RBFOX1: variants seen among roughly 807,000 people sequenced by gnomAD.
RBFOX1 encodes the protein RNA binding protein fox-1 homolog 1.
A neutral mutation model predicts 57.7 loss-of-function variants in RBFOX1; 8 were observed. The ratio of observed to expected loss-of-function variants is 0.14; its 90% CI spans 0.08 to 0.25. RBFOX1 has a LOEUF of 0.25. Ranked by LOEUF, RBFOX1 falls within the 10% of genes least tolerant of loss-of-function variation. The pLI, the probability that RBFOX1 is intolerant of heterozygous loss-of-function variation, is 1.00. For missense variants in RBFOX1, 611 were observed against 548.5 expected, an observed-to-expected ratio of 1.11 and a Z score of -1.14; for synonymous variants, 326 against 222.4, an observed-to-expected ratio of 1.47 and a Z score of -4.15.
chr16:6,685,620 A>G (rs930501178), intron 3 of RBFOX1, among the ~76,000 whole-genome samples: 7 of 152,020 alleles, frequency 4.6e-5, no homozygotes, highest in African/African-American at 1.4e-4. Flanking sequence ...ACTTAAACCA[A>G]GTCCAGACAT....
At chr16:7,166,708 G>A (rs567177273) in intron 4 of RBFOX1, among the ~76,000 whole-genome samples, 18 of 152,068 alleles carry the variant, frequency 1.2e-4, no homozygotes, top group Non-Finnish European at 2.6e-4. Context: ...GATGCACTAG[G>A]ATGACTCTAA....
chr16:6,524,982 A>G (rs1395534615), intron 2 of RBFOX1, among the ~76,000 whole-genome samples: 1 of 152,172 alleles, frequency 6.6e-6, no homozygotes, highest in Non-Finnish European at 1.5e-5. Flanking sequence ...ACTTCTGAGT[A>G]TCTGGGTAAA....
chr16:5,848,075 C>G (rs2056801957), intron 3 of RBFOX1, among the ~76,000 whole-genome samples: 1 of 152,184 alleles, frequency 6.6e-6, no homozygotes, highest in South Asian at 2.1e-4. Context: ...GTGTCCGGAG[C>G]TCTGGCCAAC....
intron 4 of RBFOX1, among the ~76,000 whole-genome samples, chr16:5,919,567 C>G (rs895702278): frequency 1.3e-5 from 2 of 152,146 alleles, no homozygotes; most frequent in African/African-American, 4.8e-5. Flanking sequence ...GGGTCCCAAA[C>G]TCCCGACCCG....
chr16:6,143,594 C>G (rs1297614694), intron 1 of RBFOX1, among the ~76,000 whole-genome samples: 2 of 152,116 alleles, frequency 1.3e-5, no homozygotes, highest in Non-Finnish European at 2.9e-5. Flanking sequence ...TGATTCTGTT[C>G]TCTCTTGGAG....
At chr16:5,932,867 A>G (rs541252239) in intron 4 of RBFOX1, among the ~76,000 whole-genome samples, 3 of 152,118 alleles carry the variant, frequency 2.0e-5, no homozygotes, top group South Asian at 4.2e-4. Flanking sequence ...CTGCTCCCAT[A>G]TGGTTGTGGC....
At chr16:7,004,549 C>T (rs934469157) in intron 3 of RBFOX1, among the ~76,000 whole-genome samples, 3 of 152,172 alleles carry the variant, frequency 2.0e-5, no homozygotes, top group Admixed American at 6.5e-5. Flanking sequence ...GTCATGGACA[C>T]GTCCTAGCTA....
At chr16:7,644,699 A>G (rs1009568701) in intron 11 of RBFOX1, among the ~76,000 whole-genome samples, 3 of 152,236 alleles carry the variant, frequency 2.0e-5, no homozygotes, top group Admixed American at 2.0e-4. Flanking sequence ...ACCAACATAG[A>G]GTCCTCAGGA....
At chr16:5,393,419 T>C (rs1429895147) in intron 1 of RBFOX1, among the ~76,000 whole-genome samples, 1 of 152,230 alleles carries the variant, frequency 6.6e-6, no homozygotes, top group African/African-American at 2.4e-5. Flanking sequence ...CTTTTATTCC[T>C]ACCCCTTCAG....
intron 4 of RBFOX1, among the ~76,000 whole-genome samples, chr16:7,291,789 CAA>C (rs1249507741): frequency 2.0e-5 from 3 of 151,292 alleles, no homozygotes; most frequent in South Asian, 2.1e-4. Context: ...CTGTATTCTG[CAA>C]AGAGTCTGAT....
rs945523989 is a variant in RBFOX1 at position 5,295,803 on chromosome 16, G to A, written c.219+55698G>A. ...TCATAGGCCCCACCCACATTAACAG[G>A]GAAGAGGTTGTACAAGGGTGTCAGT... On this transcript the variant is annotated intron_variant, in intron 1 of 2. Transcript: ENST00000585867. Among the ~76,000 whole-genome samples the A allele has an allele frequency of 2.6e-5, 4 of 152,154 alleles. No individual in the cohort carries two copies. The South Asian group carries it at 6.2e-4, about 24-fold the overall frequency.
intron 3 of RBFOX1, among the ~76,000 whole-genome samples, chr16:6,906,668 C>CT (rs1398386887): frequency 6.6e-6 from 1 of 151,358 alleles, no homozygotes; most frequent in African/African-American, 2.4e-5. Context: ...ACTCTTGGGA[C>CT]TTAAAAAGAG....
At position 7,015,391 on chromosome 16, in the gene RBFOX1, A is replaced by G. The variant is rs988806038; in HGVS notation, c.-15-36666A>G. 2.7e-4 allele frequency among the ~76,000 whole-genome samples: 41 copies of G among 152,190 alleles called. 1 individual carries two copies. The highest frequency in any genetic ancestry group is 2.4e-3 in the Admixed American group (37 of 15,284). ...GAACCACCTCAGAGTTGGCAAAAAC[A>G]AAGAAACTTGAGCCGTATTATAGAC... is the stretch of plus-strand genomic sequence containing the variant. On this transcript the variant is annotated intron_variant, in intron 3 of 15. Transcript: ENST00000550418.
At chr16:5,360,269 T>A (rs1267716537) in intron 1 of RBFOX1, among the ~76,000 whole-genome samples, 1 of 152,140 alleles carries the variant, frequency 6.6e-6, no homozygotes, top group Non-Finnish European at 1.5e-5. Flanking sequence ...GGGCGAGGGA[T>A]AATTAGAGGA....
intron 3 of RBFOX1, among the ~76,000 whole-genome samples, chr16:5,813,270 C>T (rs1490124954): frequency 6.6e-6 from 1 of 152,154 alleles, no homozygotes; most frequent in Non-Finnish European, 1.5e-5. Context: ...CCTCCCAAAC[C>T]TTTAACCATT....
At chr16:6,739,683 C>A (rs1000982921) in intron 3 of RBFOX1, among the ~76,000 whole-genome samples, 7 of 152,096 alleles carry the variant, frequency 4.6e-5, no homozygotes, top group Non-Finnish European at 7.4e-5. Flanking sequence ...TCGAGACCAG[C>A]TTGGCCAACA....
chr16:6,216,404 A>C (rs1221944471), intron 1 of RBFOX1, among the ~76,000 whole-genome samples: 1 of 152,196 alleles, frequency 6.6e-6, no homozygotes, highest in Non-Finnish European at 1.5e-5. Flanking sequence ...ACGATGGCTG[A>C]AAGAACAGAT....
chr16:5,812,105 C>G (rs2055453288), intron 3 of RBFOX1, among the ~76,000 whole-genome samples: 1 of 152,066 alleles, frequency 6.6e-6, no homozygotes, highest in African/African-American at 2.4e-5. Context: ...CCCACACTGT[C>G]CCATGTAACA....
At chr16:5,304,577 A>T (rs1471186079) in intron 1 of RBFOX1, among the ~76,000 whole-genome samples, 2 of 152,350 alleles carry the variant, frequency 1.3e-5, no homozygotes, top group East Asian at 3.9e-4. Context: ...TCATTCATTG[A>T]ATAAATATCT....
Sources: allele counts gnomAD v4.1 joint callset (sites outside exome capture counted in the v4.1 genomes callset), GRCh38; gene constraint gnomAD v4.1.1; transcripts MANE v1.5; gene names NCBI Gene and HGNC (gene_info 2026-07-23, HGNC 2026-07-21).